GLDC: variants seen among roughly 807,000 people sequenced by gnomAD.
The protein encoded by GLDC is glycine dehydrogenase (decarboxylating), mitochondrial.
In GLDC, 104 loss-of-function variants were observed where a neutral mutation model predicts 121.3. The observed-to-expected ratio is 0.86, with a 90% CI of 0.73 to 1.01. The LOEUF (loss-of-function observed/expected upper bound fraction) is 1.01. Ranked by LOEUF, GLDC falls within the 50% of genes least tolerant of loss-of-function variation. The probability of loss-of-function intolerance (pLI) is 0.00; values close to 1 mark genes in which losing one functional copy is unlikely to be tolerated. For missense variants in GLDC, 1,429 were observed against 1,306.6 expected (o/e 1.09, Z -1.44); for synonymous variants, 546 against 480.6 (o/e 1.14, Z -1.78).
At chr9:6,600,612 G>A (rs1051256935) in intron 8 of GLDC, among the ~76,000 whole-genome samples, 4 of 151,868 alleles carry the variant, frequency 2.6e-5, no homozygotes, top group Non-Finnish European at 4.4e-5. Context: ...AGAGGTTGCA[G>A]TGAGCCAAGA....
intron 20 of GLDC, among the ~76,000 whole-genome samples, chr9:6,551,747 A>G (rs757420437): frequency 2.6e-4 from 39 of 152,190 alleles, no homozygotes; most frequent in Non-Finnish European, 5.6e-4. Flanking sequence ...ATACCAGGTG[A>G]GAAGAATGGC....
chr9:6,619,087 G>A (rs140469200), intron 3 of GLDC, among the ~76,000 whole-genome samples: 4,435 of 142,084 alleles, frequency 0.031, 225 homozygotes, highest in African/African-American at 0.11. Context: ...AGGTTGCAGT[G>A]AGCCAAGATC....
rs540778889 is a variant in GLDC at position 6,590,063 on chromosome 9, A to G, written c.1483-771T>C. 2.0e-3 allele frequency among the ~76,000 whole-genome samples: 305 copies of G among 152,244 alleles called. 1 individual carries two copies. Among genetic ancestry groups the G allele is most frequent in the African/African-American group, 7.0e-3 (291 of 41,534 alleles). On this transcript the variant is annotated intron_variant, in intron 11 of 24. Coordinates refer to ENST00000321612, the MANE Select transcript of GLDC (RefSeq NM_000170.3). Reference sequence around the variant, plus strand: ...GAGCAAGACTCCATCTTAAAAAAAAAAAAGAAAATATAGGGGCTAATCTGC... The same window carrying G: ...GAGCAAGACTCCATCTTAAAAAAAAGAAAGAAAATATAGGGGCTAATCTGC...
intron 11 of GLDC, among the ~76,000 whole-genome samples, chr9:6,591,074 G>A (rs1337126546): frequency 6.6e-6 from 1 of 152,172 alleles, no homozygotes; most frequent in East Asian, 1.9e-4. Context: ...CACAGGTCTA[G>A]GTAGCTACTG....
intron 16 of GLDC, among the ~76,000 whole-genome samples, chr9:6,562,692 C>T (rs1817782175): frequency 6.6e-6 from 1 of 152,000 alleles, no homozygotes; most frequent in African/African-American, 2.4e-5. Context: ...CCCTCAGTAG[C>T]TGGGATCACA....
At chr9:6,574,298 T>C (rs1563843221) in intron 15 of GLDC, among the ~76,000 whole-genome samples, 1 of 151,824 alleles carries the variant, frequency 6.6e-6, no homozygotes, top group Non-Finnish European at 1.5e-5. Flanking sequence ...TGAAACCCCA[T>C]CTCTACTAAA....
chr9:6,557,172 A>C (rs1415585043), intron 17 of GLDC, among the ~76,000 whole-genome samples: 1 of 152,012 alleles, frequency 6.6e-6, no homozygotes, highest in East Asian at 1.9e-4. Flanking sequence ...ACGTTCCCTC[A>C]ACACAAAGAA....
At chr9:6,637,944 C>T (rs1356576784) in intron 2 of GLDC, among the ~76,000 whole-genome samples, 23 of 151,430 alleles carry the variant, frequency 1.5e-4, no homozygotes, top group Admixed American at 1.4e-3. Flanking sequence ...CCACCTTAAC[C>T]TCCCAAAGTG....
intron 7 of GLDC, among the ~76,000 whole-genome samples, chr9:6,604,063 C>A (rs1563856296): frequency 6.6e-6 from 1 of 151,038 alleles, no homozygotes. Flanking sequence ...TTTTAAGGAA[C>A]AAAGACTACT....
At chr9:6,638,990 C>T (rs994117747) in intron 2 of GLDC, 13 of 408,566 alleles carry the variant, frequency 3.2e-5, no homozygotes, top group Non-Finnish European at 5.4e-5. Context: ...GCCTGGGCAA[C>T]AGAGCGAGAC....
chr9:6,599,720 C>CAAA (rs549444099), intron 8 of GLDC, among the ~76,000 whole-genome samples: 4 of 120,732 alleles, frequency 3.3e-5, no homozygotes, highest in African/African-American at 6.7e-5. Flanking sequence ...GACTCCATCT[C>CAAA]AAAAAAAAAA....
chr9:6,582,589 A>T (rs1246031654), intron 15 of GLDC, among the ~76,000 whole-genome samples: 1 of 151,862 alleles, frequency 6.6e-6, no homozygotes, highest in East Asian at 1.9e-4. Flanking sequence ...CAGCACTTTG[A>T]GAGGCCGAGG....
rs1818093564 is a variant in GLDC, at chr9:6,577,674, T to TACATCTTTCCAC, written c.1850+9455_1850+9466dup. On this transcript the variant is annotated intron_variant, in intron 15 of 24. Transcript: ENST00000321612. Reference sequence around the variant, plus strand: ...CAACTGTTTGAGTCCCATCCTTTCATACATCTTTCCACCTATGCCCCTGTG... The same window carrying TACATCTTTCCAC: ...CAACTGTTTGAGTCCCATCCTTTCATACATCTTTCCACACATCTTTCCACCTATGCCCCTGTG... Among the ~76,000 whole-genome samples, 3 of 152,292 alleles carry TACATCTTTCCAC rather than the reference T, an allele frequency of 2.0e-5. No homozygotes were observed. In the South Asian group the frequency reaches 6.2e-4, roughly 32 times the overall value.
chr9:6,542,504 T>G (rs1340985252), intron 21 of GLDC, among the ~76,000 whole-genome samples: 1 of 152,016 alleles, frequency 6.6e-6, no homozygotes, highest in African/African-American at 2.4e-5. Flanking sequence ...CCCAAAGTGC[T>G]GGGATTACAG....
At chr9:6,578,026 G>A (rs928504904) in intron 15 of GLDC, among the ~76,000 whole-genome samples, 2 of 151,400 alleles carry the variant, frequency 1.3e-5, no homozygotes, top group African/African-American at 2.4e-5. Context: ...GCAATCCTCT[G>A]GCCTCGGCCT....
chr9:6,637,819 G>A (rs1439520854), intron 2 of GLDC, among the ~76,000 whole-genome samples: 1 of 151,584 alleles, frequency 6.6e-6, no homozygotes, highest in Non-Finnish European at 1.5e-5. Context: ...AGGAAAAACT[G>A]ATCATAATTT....
chr9:6,605,717 T>C (rs551357563), intron 5 of GLDC, among the ~76,000 whole-genome samples: 1 of 152,136 alleles, frequency 6.6e-6, no homozygotes, highest in Non-Finnish European at 1.5e-5. Context: ...AAACCCCCCC[T>C]CTGAAGGGAT....
At position 6,608,928 on chromosome 9, in the gene GLDC, C is replaced by T. The variant is rs867266270; in HGVS notation, c.635+1264G>A. The stretch of plus-strand genomic sequence containing the variant: ...CAGAAGGGAGAACCTGAACCCACCC[C>T]CAACGGCTGCTCAGGAATCAGAAAG... On this transcript the variant is annotated intron_variant, in intron 4 of 24. Coordinates refer to ENST00000321612, the MANE Select transcript of GLDC (RefSeq NM_000170.3). Among the ~76,000 whole-genome samples the T allele has an allele frequency of 2.0e-4, 31 of 152,222 alleles. 1 individual carries two copies. The Middle Eastern group carries it at 0.01, about 50-fold the overall frequency.
At chr9:6,547,644 C>A (rs544127921) in intron 21 of GLDC, among the ~76,000 whole-genome samples, 1 of 152,086 alleles carries the variant, frequency 6.6e-6, no homozygotes, top group African/African-American at 2.4e-5. Flanking sequence ...AATTATCAGG[C>A]AAAATTCTTT....
Sources: allele counts gnomAD v4.1 joint callset (sites outside exome capture counted in the v4.1 genomes callset), GRCh38; gene constraint gnomAD v4.1.1; transcripts MANE v1.5; gene names NCBI Gene and HGNC (gene_info 2026-07-23, HGNC 2026-07-21).